Variants in KCNJ2 observed in about 807,000 individuals in gnomAD.
The protein encoded by KCNJ2 is potassium inwardly rectifying channel subfamily J member 2.
A neutral mutation model predicts 28.4 loss-of-function variants in KCNJ2; 12 were observed. The observed-to-expected ratio is 0.42, with a 90% CI of 0.27 to 0.68. KCNJ2 has a LOEUF of 0.68. KCNJ2 is among the 30% of genes least tolerant of loss of function. The pLI, the probability that KCNJ2 is intolerant of heterozygous loss-of-function variation, is 0.23. For missense variants in KCNJ2, 320 were observed against 551.3 expected (o/e 0.58, Z 4.20); for synonymous variants, 200 against 203.2 (o/e 0.98, Z 0.13).
intron 1 of KCNJ2, among the ~76,000 whole-genome samples, chr17:70,173,378 G>T (rs2144374260): frequency 6.6e-6 from 1 of 152,262 alleles, no homozygotes; most frequent in East Asian, 1.9e-4. Context: ...ACAAATTTCT[G>T]ACTCTTTTCA....
rs1184442912 is a variant in KCNJ2, at chr17:70,179,423, A to G, written c.*3100A>G. 3.0e-5 allele frequency: 5 copies of G among 166,934 alleles called. No homozygotes were observed. The East Asian group carries it at 9.6e-4, about 32-fold the overall frequency. 10.3% of individuals were successfully genotyped at this position (166,934 alleles called of 1,614,324 possible). ...ACAAAATGTAGACAAAGTGAACTCT[A>G]TTTTGATTATTGAGAAAGGAGTAGT... On this transcript the variant is annotated 3_prime_UTR_variant, in exon 2 of 2. Transcript: ENST00000243457.
intron 1 of KCNJ2, among the ~76,000 whole-genome samples, chr17:70,171,761 CTCTCAATT>C (rs1451912322): frequency 6.6e-6 from 1 of 152,158 alleles, no homozygotes; most frequent in Non-Finnish European, 1.5e-5. Context: ...CACATGTAAC[CTCTCAATT>C]TCCCAAAAAT....
intron 1 of KCNJ2, among the ~76,000 whole-genome samples, chr17:70,173,507 A>G (rs1384925761): frequency 1.3e-5 from 2 of 152,220 alleles, no homozygotes; most frequent in Non-Finnish European, 2.9e-5. Context: ...CATTTGGTAA[A>G]GAAAACACCT....
Position 70,175,539 on chromosome 17 carries a change from TG to T in KCNJ2, c.503del (p.Gly168AlafsTer33). 6.2e-7 allele frequency: 1 copy of T among 1,614,222 alleles called. No homozygotes were observed. Among genetic ancestry groups the T allele is most frequent in the Non-Finnish European group, 8.5e-7 (1 of 1,180,034 alleles). ...TTCATGGTGGTGTTCCAGTCAATCG[TG>T]GGCTGCATCATCGATGCTTTCATCA... The part of the protein sequence containing the change: ...AVFMVVFQSI[V>X]GCIIDAFIIG... On this transcript the variant is annotated frameshift_variant, in exon 2 of 2. Coordinates refer to ENST00000243457, the MANE Select transcript of KCNJ2 (RefSeq NM_000891.3). LOFTEE classifies it high-confidence loss of function. The surrounding 1 kb of genome is among the most constrained non-coding windows in gnomAD (Gnocchi z 8.3).
chr17:70,175,075 C>T lies in KCNJ2; in HGVS notation c.36C>T (p.Val12=). Residue 12 remains valine, a synonymous_variant, in exon 2 of 2, where the codon GTC becomes GTT. Transcript: ENST00000243457. The surrounding 1 kb of genome is among the most constrained non-coding windows in gnomAD (Gnocchi z 8.3). ...GSVRTNRYSI[V]SSEEDGMKLA... ...TGCGAACCAACCGCTACAGCATCGT[C>T]TCTTCAGAAGAAGACGGTATGAAGT... The T allele has an allele frequency of 6.2e-7, 1 of 1,614,194 alleles. No homozygotes were observed. Among genetic ancestry groups the T allele is most frequent in the East Asian group, 2.2e-5 (1 of 44,882 alleles).
Position 70,175,225 on chromosome 17 carries a change from T to G in KCNJ2, c.186T>G (p.Gly62=). ...GHCNVQFINV[G]EKGQRYLADI... ...GTAATGTTCAGTTCATCAATGTGGG[T>G]GAGAAGGGGCAACGGTACCTCGCAG... The change falls in exon 2 of 2, where the codon GGT becomes GGG. Residue 62 remains glycine, a synonymous_variant. Transcript: ENST00000243457. The surrounding 1 kb of genome is among the most constrained non-coding windows in gnomAD (Gnocchi z 8.3). 6.2e-7 allele frequency: 1 copy of G among 1,614,150 alleles called. No homozygotes were observed.
In KCNJ2 at chr17:70,175,423, C is replaced by T; in HGVS notation, c.384C>T (p.Ser128=). 6.2e-7 allele frequency: 1 copy of T among 1,614,196 alleles called. No homozygotes were observed. The highest frequency in any genetic ancestry group is 8.5e-7 in the Non-Finnish European group (1 of 1,180,036). Residue 128 remains serine (S), a synonymous_variant, in exon 2 of 2, where the codon AGC becomes AGT. Transcript: ENST00000243457. The surrounding 1 kb of genome is among the most constrained non-coding windows in gnomAD (Gnocchi z 8.3). ...AAGCTTGTGTGTCCGAGGTCAACAGCTTCACGGCTGCCTTCCTCTTCTCCA... is the reference window on the plus strand; with the variant it reads ...AAGCTTGTGTGTCCGAGGTCAACAGTTTCACGGCTGCCTTCCTCTTCTCCA... ...EGKACVSEVN[S]FTAAFLFSIE... is the part of the protein sequence containing the mutation.
rs758776917 is a variant in KCNJ2 at position 70,175,086 on chromosome 17, A to G, written c.47A>G (p.Glu16Gly). 4.3e-6 allele frequency: 7 copies of G among 1,614,214 alleles called. No homozygotes were observed. In the South Asian group the frequency reaches 6.6e-5, roughly 15 times the overall value. The change falls in exon 2 of 2, where the codon GAA becomes GGA. Residue 16 changes from glutamate to glycine, a missense_variant. Glu to Gly is a moderately conservative substitution (Grantham distance 98, BLOSUM62 -2). Around this residue, in one of 3 missense-constraint regions of KCNJ2, gnomAD observed 54 missense variants for 63.0 expected, o/e 0.86. Transcript: ENST00000243457. This position sits in a 1 kb window ranked among gnomAD's most constrained non-coding sequence, Gnocchi z 8.3. Reference sequence around the variant, plus strand: ...CGCTACAGCATCGTCTCTTCAGAAGAAGACGGTATGAAGTTGGCCACCATG... The same window carrying G: ...CGCTACAGCATCGTCTCTTCAGAAGGAGACGGTATGAAGTTGGCCACCATG... ...TNRYSIVSSE[E>G]DGMKLATMAV...
In KCNJ2 at chr17:70,176,532, C is replaced by T; in HGVS notation, c.*209C>T. ...CATGTCTCCATGTGACCCGATGGCA[C>T]ATAGATGTTGTAGAATAAGTTATGG... On this transcript the variant is annotated 3_prime_UTR_variant, in exon 2 of 2. Transcript: ENST00000243457. 1 of 621,288 alleles carries T rather than the reference C, an allele frequency of 1.6e-6. No individual in the cohort carries two copies. The allele number at this position is 621,288 out of a possible 1,614,324, so 38.5% of individuals were successfully genotyped here. A position where few individuals can be genotyped will look rare whatever the true frequency, so the allele number is the denominator to read the frequency against.
At position 70,175,205 on chromosome 17, in the gene KCNJ2, G is replaced by A. The variant is rs1264595509; in HGVS notation, c.166G>A (p.Val56Ile). Residue 56 changes from valine (V) to isoleucine (I), a missense_variant, in exon 2 of 2, where the codon GTT becomes ATT. Coordinates refer to ENST00000243457, the MANE Select transcript of KCNJ2 (RefSeq NM_000891.3). The surrounding 1 kb of genome is among the most constrained non-coding windows in gnomAD (Gnocchi z 8.3). ...RFVKKDGHCN[V>I]QFINVGEKGQ... ...TGTGAAGAAAGATGGCCACTGTAAT[G>A]TTCAGTTCATCAATGTGGGTGAGAA... is the stretch of plus-strand genomic sequence containing the variant. 6.2e-7 allele frequency: 1 copy of A among 1,614,100 alleles called. No individual in the cohort carries two copies. Among genetic ancestry groups the A allele is most frequent in the African/African-American group, 1.3e-5 (1 of 74,944 alleles).
In KCNJ2 at chr17:70,172,401, ATG is replaced by A. The variant is rs554277723; in HGVS notation, c.-216-2420_-216-2419del. Among the ~76,000 whole-genome samples, 45 of 151,720 alleles carry A rather than the reference ATG, an allele frequency of 3.0e-4. 1 individual carries two copies. Among genetic ancestry groups the A allele is most frequent in the Admixed American group, 2.6e-3 (40 of 15,242 alleles). On this transcript the variant is annotated intron_variant, in intron 1 of 1. Coordinates refer to ENST00000243457, the MANE Select transcript of KCNJ2 (RefSeq NM_000891.3). ...GTAAAATTTCTAAATGATGCTCCAC[ATG>A]TGGAACAAATTCTGTTATTAGCAAT...
Position 70,175,090 on chromosome 17 carries a change from C to T in KCNJ2, c.51C>T (p.Asp17=), listed in dbSNP as rs141965142. Residue 17 remains aspartate (D), a synonymous_variant, in exon 2 of 2, where the codon GAC becomes GAT. Coordinates refer to ENST00000243457, the MANE Select transcript of KCNJ2 (RefSeq NM_000891.3). The surrounding 1 kb of genome is among the most constrained non-coding windows in gnomAD (Gnocchi z 8.3). ...NRYSIVSSEE[D]GMKLATMAVA... is the part of the protein sequence containing the mutation. ...ACAGCATCGTCTCTTCAGAAGAAGA[C>T]GGTATGAAGTTGGCCACCATGGCAG... is the stretch of plus-strand genomic sequence containing the variant. The T allele has an allele frequency of 2.5e-5, 40 of 1,614,178 alleles. No homozygotes were observed. Among genetic ancestry groups the T allele is most frequent in the Admixed American group, 2.2e-4 (13 of 60,020 alleles).
chr17:70,175,753 T>C lies in KCNJ2; in HGVS notation c.714T>C (p.Ser238=). The part of the protein sequence containing the change: ...RAQLLKSRIT[S]EGEYIPLDQI... ...AGCTCCTCAAATCCAGAATTACTTC[T>C]GAAGGGGAGTATATCCCTCTGGATC... Residue 238 remains serine (S), a synonymous_variant, in exon 2 of 2, where the codon TCT becomes TCC. Coordinates refer to ENST00000243457, the MANE Select transcript of KCNJ2 (RefSeq NM_000891.3). This position sits in a 1 kb window ranked among gnomAD's most constrained non-coding sequence, Gnocchi z 8.3. 6.2e-7 allele frequency: 1 copy of C among 1,614,242 alleles called. No individual in the cohort carries two copies. Among genetic ancestry groups the C allele is most frequent in the Non-Finnish European group, 8.5e-7 (1 of 1,180,034 alleles).
chr17:70,170,640 A>T (rs57410822), intron 1 of KCNJ2, among the ~76,000 whole-genome samples: 23 of 152,158 alleles, frequency 1.5e-4, no homozygotes, highest in Admixed American at 5.2e-4. Flanking sequence ...GCGTTTTATC[A>T]TTTGTTTTCT....
Position 70,176,137 on chromosome 17 carries a change from T to C in KCNJ2, c.1098T>C (p.Tyr366=), listed in dbSNP as rs2074391395. The C allele has an allele frequency of 6.2e-7, 1 of 1,613,888 alleles. No homozygotes were observed. The highest frequency in any genetic ancestry group is 1.1e-5 in the South Asian group (1 of 91,082). ...CCAGAGACTTAGCAGAAAAGAAATA[T>C]ATCCTCTCAAATGCAAATTCATTTT... ...CSARDLAEKK[Y]ILSNANSFCY... is the part of the protein sequence containing the mutation. The change falls in exon 2 of 2, where the codon TAT becomes TAC. Residue 366 remains tyrosine (Y), a synonymous_variant. Coordinates refer to ENST00000243457, the MANE Select transcript of KCNJ2 (RefSeq NM_000891.3).
Position 70,177,597 on chromosome 17 carries a change from C to G in KCNJ2, c.*1274C>G, listed in dbSNP as rs572137923. 6.0e-6 allele frequency: 1 copy of G among 167,306 alleles called. No homozygotes were observed. The highest frequency in any genetic ancestry group is 2.1e-4 in the South Asian group (1 of 4,828). 10.4% of individuals were successfully genotyped at this position (167,306 alleles called of 1,614,324 possible). On this transcript the variant is annotated 3_prime_UTR_variant, in exon 2 of 2. Transcript: ENST00000243457. ...GCCACACCTGGCCTCCACACTTGCT[C>G]TTCTGATCAGTCTGTCTGGATTGAG...
At chr17:70,172,940 CT>C (rs1274270867) in intron 1 of KCNJ2, among the ~76,000 whole-genome samples, 2 of 152,144 alleles carry the variant, frequency 1.3e-5, no homozygotes, top group Non-Finnish European at 2.9e-5. Flanking sequence ...ATTCTTGTTT[CT>C]TTGGTCCAAG....
chr17:70,171,739 C>T (rs2074366164), intron 1 of KCNJ2, among the ~76,000 whole-genome samples: 2 of 152,162 alleles, frequency 1.3e-5, no homozygotes, highest in South Asian at 4.1e-4. Flanking sequence ...ATAGTCTTAA[C>T]ATGAACAGCA....
chr17:70,179,971 C>G lies in KCNJ2; in HGVS notation c.*3648C>G, dbSNP rs1488944255. On this transcript the variant is annotated 3_prime_UTR_variant, in exon 2 of 2. Transcript: ENST00000243457. The stretch of plus-strand genomic sequence containing the variant: ...AAGTCTTCCTATTGTACTGCACAAA[C>G]CATGGATTGTACATATTTTTATATA... 6.0e-6 allele frequency: 1 copy of G among 166,482 alleles called. No homozygotes were observed. Among genetic ancestry groups the G allele is most frequent in the Non-Finnish European group, 1.5e-5 (1 of 68,076 alleles). 10.3% of individuals were successfully genotyped at this position (166,482 alleles called of 1,614,324 possible).
Sources: allele counts gnomAD v4.1 joint callset (sites outside exome capture counted in the v4.1 genomes callset), GRCh38; gene constraint gnomAD v4.1.1; regional missense constraint gnomAD v4.1.1; non-coding constraint Gnocchi (gnomAD v3.1); transcripts MANE v1.5; gene names NCBI Gene and HGNC (gene_info 2026-07-23, HGNC 2026-07-21).